TUBB8: variants seen among roughly 807,000 people sequenced by gnomAD.
TUBB8 encodes tubulin beta-8 chain.
A neutral mutation model predicts 33.7 loss-of-function variants in TUBB8; 25 were observed. That is an observed-to-expected ratio of 0.74 (90% confidence interval 0.54 to 1.04). The LOEUF is 1.04. Ranked by LOEUF, TUBB8 falls within the 50% of genes least tolerant of loss-of-function variation. The pLI is 0.00. For missense variants in TUBB8, 279 were observed against 608.0 expected (o/e 0.46, Z 5.69); for synonymous variants, 245 against 240.1 (o/e 1.02, Z -0.19).
At chr10:49,775 T>G (rs1834442378), upstream of TUBB8, 1 of 353,748 alleles carries the variant, frequency 2.8e-6, no homozygotes, top group African/African-American at 2.1e-5. Context: ...TTAGAGACAG[T>G]CAGGCCTCTG....
chr10:56,078 T>C (rs1289001253), intron 1 of TUBB8, among the ~76,000 whole-genome samples: 1 of 152,250 alleles, frequency 6.6e-6, no homozygotes, highest in Admixed American at 6.5e-5. Context: ...TTGGATCGCA[T>C]GGACATTTTT....
intron 1 of TUBB8, among the ~76,000 whole-genome samples, chr10:72,254 T>TAAAAAAAAA (rs34999592): frequency 1.2e-3 from 148 of 124,808 alleles, no homozygotes; most frequent in African/African-American, 4.2e-3. Flanking sequence ...TTTTTTTAAT[T>TAAAAAAAAA]AAAAAAAAAA....
At chr10:64,975 TAAAAAA>T (rs61340461) in intron 1 of TUBB8, among the ~76,000 whole-genome samples, 196 of 118,470 alleles carry the variant, frequency 1.7e-3, no homozygotes, top group Non-Finnish European at 2.4e-3. Context: ...CCATCTCCAC[TAAAAAA>T]AAAAAAAAAA....
chr10:69,909 T>A (rs1554742097), intron 1 of TUBB8, among the ~76,000 whole-genome samples: 1 of 152,220 alleles, frequency 6.6e-6, no homozygotes, highest in East Asian at 1.9e-4. Flanking sequence ...TCCTGACTCT[T>A]CAGGGAGCCA....
At chr10:65,371 G>A (rs1240027039) in intron 1 of TUBB8, among the ~76,000 whole-genome samples, 1 of 152,162 alleles carries the variant, frequency 6.6e-6, no homozygotes, top group African/African-American at 2.4e-5. Context: ...ACCACACTAG[G>A]ACTTGACATC....
intron 1 of TUBB8, among the ~76,000 whole-genome samples, chr10:70,452 G>C (rs2130951762): frequency 6.6e-6 from 1 of 151,862 alleles, no homozygotes; most frequent in Non-Finnish European, 1.5e-5. Context: ...CCCCACAACA[G>C]TCCCCAGATA....
upstream of TUBB8, chr10:49,751 A>G: frequency 1.1e-5 from 4 of 365,346 alleles, no homozygotes; most frequent in Non-Finnish European, 1.6e-5. Context: ...CTAACCCACA[A>G]TAAGCTATGG....
intron 1 of TUBB8, among the ~76,000 whole-genome samples, chr10:62,711 A>G (rs1834618754): frequency 6.6e-6 from 1 of 152,248 alleles, no homozygotes; most frequent in Non-Finnish European, 1.5e-5. Context: ...TGTTTGTCGG[A>G]AAAAGTTCTC....
chr10:57,286 T>G (rs1258612461), intron 1 of TUBB8, among the ~76,000 whole-genome samples: 1 of 152,202 alleles, frequency 6.6e-6, no homozygotes, highest in Non-Finnish European at 1.5e-5. Context: ...TGTAGCTAGA[T>G]CTACCATTCT....
chr10:50,655 A>G (rs4567378), upstream of TUBB8, among the ~76,000 whole-genome samples: 4 of 151,634 alleles, frequency 2.6e-5, no homozygotes, highest in African/African-American at 9.7e-5. Context: ...GTCCCCACCC[A>G]TTCCAAATTG....
chr10:75,106 C>A (rs1466326717), upstream of TUBB8, among the ~76,000 whole-genome samples: 1 of 151,252 alleles, frequency 6.6e-6, no homozygotes, highest in Non-Finnish European at 1.5e-5. Context: ...AACTCCTGTC[C>A]TCAGGTGATC....
At chr10:75,226 A>G (rs1184963587), upstream of TUBB8, among the ~76,000 whole-genome samples, 34 of 151,362 alleles carry the variant, frequency 2.2e-4, no homozygotes, top group Non-Finnish European at 4.9e-4. Context: ...GCTGGTGCCT[A>G]TACTCCTAAC....
Position 48,659 on chromosome 10 carries a change from G to A in TUBB8, c.233C>T (p.Ser78Leu), listed in dbSNP as rs140792516. Residue 78 changes from serine to leucine, a missense_variant, in exon 3 of 4, where the codon TCG (serine) becomes TTG (leucine). Physicochemically the swap from Ser to Leu is moderately radical, Grantham distance 145. This residue lies in a region of TUBB8 where 96 missense variants were observed against 233.7 expected (regional missense o/e 0.41). Transcript: ENST00000568584. ...CCTGAAGACCTGCCCGAAGGGCCCCGAGCGCACAGAGTCCATGGTGCCCGG... is the reference window on the plus strand; with the variant it reads ...CCTGAAGACCTGCCCGAAGGGCCCCAAGCGCACAGAGTCCATGGTGCCCGG... ...LEPGTMDSVR[S>L]GPFGQVFRPD... 442 of 1,612,168 alleles carry A rather than the reference G, an allele frequency of 2.7e-4. 1 individual carries two copies. In the African/African-American group the frequency reaches 5.1e-3, roughly 19 times the overall value.
chr10:55,145 AC>A (rs1834513859), intron 1 of TUBB8, among the ~76,000 whole-genome samples: 1 of 152,244 alleles, frequency 6.6e-6, no homozygotes, highest in African/African-American at 2.4e-5. Context: ...GTCATGGCGG[AC>A]GAGGAAGCAG....
At chr10:48,277 C>G in intron 3 of TUBB8, 163 bp from the exon 4 acceptor site, 1 of 844,066 alleles carries the variant, frequency 1.2e-6, no homozygotes, top group Non-Finnish European at 2.0e-6. Context: ...AGGACAGCAG[C>G]TTCCCCTGTT....
At chr10:54,575 T>G (rs1834506194) in intron 1 of TUBB8, among the ~76,000 whole-genome samples, 1 of 152,224 alleles carries the variant, frequency 6.6e-6, no homozygotes, top group South Asian at 2.1e-4. Context: ...TCTATGATGA[T>G]CAGTAATGTG....
At chr10:65,018 C>T (rs1199979462) in intron 1 of TUBB8, among the ~76,000 whole-genome samples, 4 of 150,876 alleles carry the variant, frequency 2.7e-5, no homozygotes, top group East Asian at 1.9e-4. Context: ...CATGTTGGCA[C>T]GCACCTGTGT....
intron 1 of TUBB8, among the ~76,000 whole-genome samples, chr10:56,546 G>A (rs1194745270): frequency 2.0e-5 from 3 of 152,206 alleles, no homozygotes; most frequent in African/African-American, 2.4e-5. Flanking sequence ...AAATAAATCC[G>A]GTGCTTGCAC....
chr10:57,431 C>A (rs532213189), intron 1 of TUBB8, among the ~76,000 whole-genome samples: 3 of 152,332 alleles, frequency 2.0e-5, no homozygotes, highest in Admixed American at 2.0e-4. Flanking sequence ...GGGCTCCACC[C>A]CTGCAGCATG....
Sources: gnomAD v4.1 joint callset for allele counts (sites outside exome capture counted in the v4.1 genomes callset) on GRCh38, gnomAD v4.1.1 for gene constraint, gnomAD v4.1.1 regional missense constraint, MANE v1.5 for transcripts, NCBI Gene and HGNC (gene_info 2026-07-23, HGNC 2026-07-21) for gene names.